Variants in ADAMTS13 observed in about 807,000 individuals in gnomAD.
The protein encoded by ADAMTS13 is A disintegrin and metalloproteinase with thrombospondin motifs 13.
Under a neutral mutation model 155.1 loss-of-function variants are expected in ADAMTS13, and 110 were observed. The ratio of observed to expected loss-of-function variants is 0.71; its 90% CI spans 0.61 to 0.83. The LOEUF is 0.83. Ranked by LOEUF, ADAMTS13 falls within the 40% of genes least tolerant of loss-of-function variation. ADAMTS13 has a pLI of 0.00. For synonymous variants in ADAMTS13, 758 were observed against 756.4 expected, an observed-to-expected ratio of 1.00 and a Z score of -0.03; for missense variants, 1,707 against 1,891.7, an observed-to-expected ratio of 0.90 and a Z score of 1.81.
chr9:133,444,043 G>A (rs979993298), intron 19 of ADAMTS13, among the ~76,000 whole-genome samples: 3 of 152,086 alleles, frequency 2.0e-5, no homozygotes, highest in African/African-American at 7.2e-5. Context: ...GAGGGGATTG[G>A]TCTGGATTGT....
Position 133,414,863 on chromosome 9 carries a change from T to C in ADAMTS13, n.287+219T>C, listed in dbSNP as rs782695524. 1.9e-6 allele frequency: 3 copies of C among 1,614,180 alleles called. No homozygotes were observed. In the South Asian group the frequency reaches 3.3e-5, roughly 18 times the overall value. ...AGGAACAGAGCCCCTGCTGGCCTCC[T>C]GGTCTTTTCCTGCCGGCATCTCCTC... On this transcript the variant is annotated intron_variant and non_coding_transcript_variant, in intron 1 of 17. Transcript: ENST00000485925.
In ADAMTS13 at chr9:133,425,497, A is replaced by G. The variant is rs1554784965; in HGVS notation, c.331-32A>G. ...GCCTGGGGCTGGCAATGCCCACCCG[A>G]CGGGTTACCTCTCTCATCTGCCCTT... On this transcript the variant is annotated intron_variant, in intron 3 of 28. Transcript: ENST00000355699. The surrounding 1 kb of genome is among the most constrained non-coding windows in gnomAD (Gnocchi z 4.6). 1 of 1,599,658 alleles carries G rather than the reference A, an allele frequency of 6.3e-7. No homozygotes were observed. Among genetic ancestry groups the G allele is most frequent in the African/African-American group, 1.3e-5 (1 of 74,636 alleles).
intron 7 of ADAMTS13, chr9:133,429,619 C>A: frequency 1.7e-5 from 9 of 520,126 alleles, no homozygotes; most frequent in Non-Finnish European, 2.9e-5. Flanking sequence ...CTCCCCCACC[C>A]GCGTACATGT....
At position 133,425,246 on chromosome 9, in the gene ADAMTS13, C is replaced by G. The variant is rs1019836624; in HGVS notation, c.331-283C>G. On this transcript the variant is annotated intron_variant, in intron 3 of 28. Coordinates refer to ENST00000355699, the MANE Select transcript of ADAMTS13 (RefSeq NM_139027.6). This position sits in a 1 kb window ranked among gnomAD's most constrained non-coding sequence, Gnocchi z 4.6. The stretch of plus-strand genomic sequence containing the variant: ...CGATCTGAGAGGAGCAGCGTTTGAC[C>G]GGAATATCCGACTCGTGACCATCTG... Among the ~76,000 whole-genome samples, 1 of 152,220 alleles carries G rather than the reference C, an allele frequency of 6.6e-6. No homozygotes were observed. Among genetic ancestry groups the G allele is most frequent in the Admixed American group, 6.5e-5 (1 of 15,286 alleles).
intron 21 of ADAMTS13, among the ~76,000 whole-genome samples, chr9:133,448,124 G>C (rs1357133982): frequency 6.6e-6 from 1 of 151,926 alleles, no homozygotes; most frequent in African/African-American, 2.4e-5. Context: ...TGAGTAGCTG[G>C]GATTACAGGT....
intron 14 of ADAMTS13, among the ~76,000 whole-genome samples, chr9:133,438,738 A>G (rs1841436545): frequency 6.6e-6 from 1 of 151,980 alleles, no homozygotes; most frequent in African/African-American, 2.4e-5. Flanking sequence ...GTATGGTGAA[A>G]CCCCATCTCT....
rs962270995 is a variant in ADAMTS13, at chr9:133,442,706, T to C, written c.2197T>C (p.Trp733Arg). ...QCQGSQQPPAWPEACVLEPCP... is the reference protein window; with the variant it reads ...QCQGSQQPPARPEACVLEPCP... ...CCAAGGGAGCCAGCAGCCACCAGCG[T>C]GGCCAGAGGCCTGCGTGCTCGAACC... The change falls in exon 18 of 29, where the codon TGG becomes CGG. Residue 733 changes from tryptophan (W) to arginine (R), a missense_variant. Around this residue, in one of 3 missense-constraint regions of ADAMTS13, gnomAD observed 961 missense variants for 1,107.9 expected, o/e 0.87. Transcript: ENST00000355699. The C allele has an allele frequency of 4.3e-6, 7 of 1,612,978 alleles. No individual in the cohort carries two copies. Among genetic ancestry groups the C allele is most frequent in the Middle Eastern group, 1.6e-4 (1 of 6,080 alleles).
intron 28 of ADAMTS13, 80 bp downstream of exon 28, chr9:133,458,174 G>T: frequency 6.6e-7 from 1 of 1,510,020 alleles, no homozygotes; most frequent in South Asian, 1.2e-5. Context: ...ACCCCCTTCA[G>T]TTTATTTCAG....
At chr9:133,417,883 G>C (rs1165206845), upstream of ADAMTS13, 1 of 1,581,910 alleles carries the variant, frequency 6.3e-7, no homozygotes, top group Admixed American at 1.7e-5. Flanking sequence ...GGCCACCCGA[G>C]ACCCCGGCCT....
upstream of ADAMTS13, among the ~76,000 whole-genome samples, chr9:133,419,957 T>A (rs952971077): frequency 2.0e-5 from 3 of 150,528 alleles, no homozygotes; most frequent in East Asian, 3.9e-4. Context: ...CAGGCTGGAG[T>A]GCAATGGCGC....
chr9:133,426,119 G>A, intron 5 of ADAMTS13, 57 bp downstream of exon 5: 3 of 1,613,826 alleles, frequency 1.9e-6, no homozygotes, highest in Non-Finnish European at 2.5e-6. Flanking sequence ...TGCTCCCTCA[G>A]CCTCCTGCCC....
At chr9:133,442,149 CTGTTGGCCAGGCTGGAGTGCTA>C (rs1386379568) in intron 16 of ADAMTS13, among the ~76,000 whole-genome samples, 6 of 152,132 alleles carry the variant, frequency 3.9e-5, no homozygotes, top group African/African-American at 1.4e-4. Flanking sequence ...GAGGGTCTCA[CTGTTGGCCAGGCTGGAGTGCTA>C]TGTTGCCCAG....
At chr9:133,446,331 C>T (rs193129655) in intron 21 of ADAMTS13, among the ~76,000 whole-genome samples, 119 of 152,308 alleles carry the variant, frequency 7.8e-4, no homozygotes, top group Admixed American at 6.9e-3. Context: ...CTGTGAAACA[C>T]GAACTCCCAT....
chr9:133,441,293 CG>C lies in ADAMTS13; in HGVS notation c.1968+771del, dbSNP rs758055984. ...GGGCCTCCCACAGATCAGGCCAGGCCGGGCCAAAGCAAGCCCCTGTGAGCGG... is the reference window on the plus strand; with the variant it reads ...GGGCCTCCCACAGATCAGGCCAGGCCGGCCAAAGCAAGCCCCTGTGAGCGG... On this transcript the variant is annotated intron_variant, in intron 16 of 28. Coordinates refer to ENST00000355699, the MANE Select transcript of ADAMTS13 (RefSeq NM_139027.6). This position sits in a 1 kb window ranked among gnomAD's most constrained non-coding sequence, Gnocchi z 5.0. Among the ~76,000 whole-genome samples, 88 of 152,176 alleles carry C rather than the reference CG, an allele frequency of 5.8e-4. No individual in the cohort carries two copies. The highest frequency in any genetic ancestry group is 1.1e-3 in the Non-Finnish European group (74 of 68,026).
Position 133,438,512 on chromosome 9 carries a change from C to G in ADAMTS13, c.1705+146C>G, listed in dbSNP as rs1043018560. 3.9e-6 allele frequency: 5 copies of G among 1,295,756 alleles called. No homozygotes were observed. In the African/African-American group the frequency reaches 7.4e-5, roughly 19 times the overall value. 80.3% of individuals were successfully genotyped at this position (1,295,756 alleles called of 1,614,324 possible). A position where few individuals can be genotyped will look rare whatever the true frequency, so the allele number is the denominator to read the frequency against. The stretch of plus-strand genomic sequence containing the variant: ...ATGCCTCCTGTGGTGTCAGCGTCTC[C>G]CTCTTCCACTTCGCCACCCTTCTGT... On this transcript the variant is annotated intron_variant, in intron 14 of 28. Coordinates refer to ENST00000355699, the MANE Select transcript of ADAMTS13 (RefSeq NM_139027.6).
chr9:133,458,049 CA>C lies in ADAMTS13; in HGVS notation c.3866del (p.Asn1289ThrfsTer15). 1 of 1,613,464 alleles carries C rather than the reference CA, an allele frequency of 6.2e-7. No individual in the cohort carries two copies. ...ARIAIHALAT[N>X]MGAGTEGANA... is the part of the protein sequence containing the mutation. ...GGATTGCCATCCATGCCCTGGCCAC[CA>C]ACATGGGCGCTGGGACCGAGGGAGC... On this transcript the variant is annotated frameshift_variant, in exon 28 of 29. Coordinates refer to ENST00000355699, the MANE Select transcript of ADAMTS13 (RefSeq NM_139027.6). LOFTEE classifies it low-confidence loss of function (END_TRUNC).
chr9:133,425,764 T>C lies in ADAMTS13; in HGVS notation c.414+152T>C. On this transcript the variant is annotated intron_variant, in intron 4 of 28. Coordinates refer to ENST00000355699, the MANE Select transcript of ADAMTS13 (RefSeq NM_139027.6). This position sits in a 1 kb window ranked among gnomAD's most constrained non-coding sequence, Gnocchi z 4.6. ...GACAGACCAGCTGCCCTCCCAGCTC[T>C]ACCCAGCACTCAGCACAGGCTGCCT... 7.1e-7 allele frequency: 1 copy of C among 1,404,648 alleles called. No individual in the cohort carries two copies. The highest frequency in any genetic ancestry group is 9.8e-7 in the Non-Finnish European group (1 of 1,022,062). 87.0% of individuals were successfully genotyped at this position (1,404,648 alleles called of 1,614,324 possible).
chr9:133,426,374 A>T, intron 6 of ADAMTS13, 29 bp downstream of exon 6: 1 of 1,598,780 alleles, frequency 6.3e-7, no homozygotes, highest in Non-Finnish European at 8.5e-7. Flanking sequence ...TGTCCCCAGG[A>T]TCTGGCAAGG....
At chr9:133,448,392 TC>T (rs1334438283) in intron 21 of ADAMTS13, among the ~76,000 whole-genome samples, 1 of 152,248 alleles carries the variant, frequency 6.6e-6, no homozygotes, top group African/African-American at 2.4e-5. Flanking sequence ...TATAAATGAT[TC>T]TGCAAGGTAG....
Sources: gnomAD v4.1 joint callset for allele counts (sites outside exome capture counted in the v4.1 genomes callset) on GRCh38, gnomAD v4.1.1 for gene constraint, gnomAD v4.1.1 regional missense constraint, Gnocchi (gnomAD v3.1) non-coding constraint, MANE v1.5 for transcripts, NCBI Gene and HGNC (gene_info 2026-07-23, HGNC 2026-07-21) for gene names.